Variants in TNFRSF10A observed in about 807,000 individuals in gnomAD.
TNFRSF10A encodes TNF receptor superfamily member 10a, also known as tumor necrosis factor receptor superfamily member 10A.
Under a neutral mutation model 42.8 loss-of-function variants are expected in TNFRSF10A, and 44 were observed. The ratio of observed to expected loss-of-function variants is 1.03; its 90% CI spans 0.81 to 1.32. The LOEUF (loss-of-function observed/expected upper bound fraction) is 1.32. TNFRSF10A is among the 40% of genes most tolerant of loss of function. TNFRSF10A has a pLI of 0.00. For missense variants in TNFRSF10A, 680 were observed against 602.0 expected (o/e 1.13, Z -1.36); for synonymous variants, 259 against 234.2 (o/e 1.11, Z -0.97).
intron 1 of TNFRSF10A, among the ~76,000 whole-genome samples, chr8:23,213,766 C>G (rs902083904): frequency 6.6e-6 from 1 of 152,050 alleles, no homozygotes; most frequent in African/African-American, 2.4e-5. Flanking sequence ...TTTTCTACTT[C>G]ATTATGTAAA....
At chr8:23,201,730 G>T in intron 4 of TNFRSF10A, 78 bp downstream of exon 4, 1 of 1,307,556 alleles carries the variant, frequency 7.6e-7, no homozygotes, top group South Asian at 1.2e-5. Context: ...CGGGTACAAG[G>T]AGACTCGGGT....
chr8:23,197,433 T>C lies in TNFRSF10A; in HGVS notation c.1015-229A>G, dbSNP rs143080290. ...GATCAGTGGCAACATTAGATTCTTA[T>C]AGGAGTGCAAACCCTATTGTGAACT... On this transcript the variant is annotated intron_variant, in intron 8 of 9. Transcript: ENST00000221132. Among the ~76,000 whole-genome samples the C allele has an allele frequency of 1.8e-4, 27 of 152,322 alleles. No homozygotes were observed. In the East Asian group the frequency reaches 3.3e-3, roughly 19 times the overall value.
intron 8 of TNFRSF10A, among the ~76,000 whole-genome samples, chr8:23,199,048 C>G (rs957777732): frequency 2.0e-5 from 3 of 152,220 alleles, no homozygotes; most frequent in African/African-American, 7.2e-5. Context: ...CTCTGGAGCT[C>G]CAGTTTCTGA....
At chr8:23,197,476 G>C (rs1004700559) in intron 8 of TNFRSF10A, among the ~76,000 whole-genome samples, 5 of 152,106 alleles carry the variant, frequency 3.3e-5, no homozygotes, top group Non-Finnish European at 7.3e-5. Context: ...TCAGGGATCT[G>C]GGTTGCATAC....
chr8:23,212,098 A>G lies in TNFRSF10A; in HGVS notation c.403+18T>C. On this transcript the variant is annotated intron_variant, in intron 2 of 9. Transcript: ENST00000221132. The stretch of plus-strand genomic sequence containing the variant: ...AAAAGAGAGGTGTAAAGGATTAGAG[A>G]TCAGTCTTAGAATGTACCTGGTGGA... The G allele has an allele frequency of 6.2e-7, 1 of 1,603,988 alleles. No homozygotes were observed. Among genetic ancestry groups the G allele is most frequent in the Non-Finnish European group, 8.5e-7 (1 of 1,171,224 alleles).
Position 23,213,609 on chromosome 8 carries a change from A to G in TNFRSF10A, c.307-1397T>C, listed in dbSNP as rs530413493. 4.3e-3 allele frequency among the ~76,000 whole-genome samples: 343 copies of G among 80,392 alleles called. 4 individuals carry two copies. The highest frequency in any genetic ancestry group is 0.01 in the African/African-American group (322 of 31,618). 52.7% of individuals were successfully genotyped at this position (80,392 alleles called of 152,430 possible). A position where few individuals can be genotyped will look rare whatever the true frequency, so the allele number is the denominator to read the frequency against. Reference sequence around the variant, plus strand: ...ACTACAGGCGCCCGCCACCATGCCCAGCTACGTTTTTTGTATTTTTATTAG... The same window carrying G: ...ACTACAGGCGCCCGCCACCATGCCCGGCTACGTTTTTTGTATTTTTATTAG... On this transcript the variant is annotated intron_variant, in intron 1 of 9. Coordinates refer to ENST00000221132, the MANE Select transcript of TNFRSF10A (RefSeq NM_003844.4).
chr8:23,200,783 G>C lies in TNFRSF10A; in HGVS notation c.630-23C>G, dbSNP rs369786035. The stretch of plus-strand genomic sequence containing the variant: ...CACCTGGGTACACACAGGGAGGGAG[G>C]GGGGGGACTCTTGATGGAAAGCTGG... On this transcript the variant is annotated intron_variant, in intron 4 of 9. Transcript: ENST00000221132. The C allele has an allele frequency of 1.8e-4, 281 of 1,558,668 alleles. 6 individuals are homozygous for C. Among genetic ancestry groups the C allele is most frequent in the Admixed American group, 1.5e-3 (91 of 59,860 alleles).
At chr8:23,215,780 G>A (rs917025223) in intron 1 of TNFRSF10A, among the ~76,000 whole-genome samples, 1 of 150,916 alleles carries the variant, frequency 6.6e-6, no homozygotes. Flanking sequence ...GGTATTTCAT[G>A]CTGTTGTTCT....
intron 1 of TNFRSF10A, among the ~76,000 whole-genome samples, chr8:23,221,025 C>T (rs1801248836): frequency 6.6e-6 from 1 of 152,226 alleles, no homozygotes; most frequent in South Asian, 2.1e-4. Context: ...AAGTCTGGCT[C>T]CTCTGTTCCT....
intron 1 of TNFRSF10A, among the ~76,000 whole-genome samples, chr8:23,214,292 C>A (rs567760820): frequency 6.6e-6 from 1 of 152,154 alleles, no homozygotes; most frequent in Non-Finnish European, 1.5e-5. Flanking sequence ...TCGAGACCAT[C>A]CTGGCTAACA....
Position 23,191,334 on chromosome 8 carries a change from G to C in TNFRSF10A, c.*360C>G, listed in dbSNP as rs1256697663. 3.6e-6 allele frequency: 1 copy of C among 276,412 alleles called. No individual in the cohort carries two copies. Among genetic ancestry groups the C allele is most frequent in the Non-Finnish European group, 6.7e-6 (1 of 148,286 alleles). The allele number at this position is 276,412 out of a possible 1,614,324, so 17.1% of individuals were successfully genotyped here. ...TTATTTTATTTTATCTTGAGACAGA[G>C]TCTTGCTCTGTGTCCCAGGCTGGAG... is the stretch of plus-strand genomic sequence containing the variant. On this transcript the variant is annotated 3_prime_UTR_variant, in exon 10 of 10. Transcript: ENST00000221132.
chr8:23,213,854 C>T (rs1033189174), intron 1 of TNFRSF10A, among the ~76,000 whole-genome samples: 1 of 152,218 alleles, frequency 6.6e-6, no homozygotes, highest in African/African-American at 2.4e-5. Context: ...ACACTGCTTT[C>T]ATATCCTGTA....
Position 23,224,796 on chromosome 8 carries a change from T to G in TNFRSF10A, c.266A>C (p.His89Pro). ...GACGACGACAAACTTGAAGGTCTTG[T>G]GGACCCGGAGCCGAGGGCTGGCTTC... is the stretch of plus-strand genomic sequence containing the variant. ...AREASPRLRVHKTFKFVVVGV... is the reference protein window; with the variant it reads ...AREASPRLRVPKTFKFVVVGV... The change falls in exon 1 of 10, where the codon CAC becomes CCC. Residue 89 changes from histidine to proline, a missense_variant. Coordinates refer to ENST00000221132, the MANE Select transcript of TNFRSF10A (RefSeq NM_003844.4). 1 of 1,568,962 alleles carries G rather than the reference T, an allele frequency of 6.4e-7. No homozygotes were observed. The highest frequency in any genetic ancestry group is 8.6e-7 in the Non-Finnish European group (1 of 1,157,144).
chr8:23,198,543 AC>A (rs1290799403), intron 8 of TNFRSF10A, among the ~76,000 whole-genome samples: 1 of 152,228 alleles, frequency 6.6e-6, no homozygotes, highest in Non-Finnish European at 1.5e-5. Flanking sequence ...GAGAGACAAG[AC>A]ACTGATCTTA....
At chr8:23,218,890 A>G (rs1300004178) in intron 1 of TNFRSF10A, among the ~76,000 whole-genome samples, 4 of 152,226 alleles carry the variant, frequency 2.6e-5, no homozygotes, top group African/African-American at 9.6e-5. Context: ...GTTCATTTAC[A>G]TATGAAGTGC....
intron 9 of TNFRSF10A, among the ~76,000 whole-genome samples, chr8:23,193,898 A>T (rs1160498674): frequency 6.6e-6 from 1 of 152,170 alleles, no homozygotes; most frequent in Non-Finnish European, 1.5e-5. Context: ...GCTGAATGAG[A>T]AAGTAGGATG....
Position 23,190,478 on chromosome 8 carries a change from CAAATA to C in TNFRSF10A, c.*1211_*1215del, listed in dbSNP as rs929163897. ...TTTAACCAAATCTTTGCATAGGTAC[CAAATA>C]ACACATTTGTTTAGGATGAGAGCTG... On this transcript the variant is annotated 3_prime_UTR_variant, in exon 10 of 10. Transcript: ENST00000221132. The C allele has an allele frequency of 4.6e-5, 7 of 152,038 alleles. No homozygotes were observed. The highest frequency in any genetic ancestry group is 8.8e-5 in the Non-Finnish European group (6 of 68,006). The allele number at this position is 152,038 out of a possible 1,614,324, so 9.4% of individuals were successfully genotyped here.
chr8:23,217,956 G>A (rs1355719209), intron 1 of TNFRSF10A, among the ~76,000 whole-genome samples: 3 of 152,178 alleles, frequency 2.0e-5, no homozygotes, highest in Non-Finnish European at 2.9e-5. Flanking sequence ...GGTCCACATA[G>A]AGGGAAAAGT....
At chr8:23,223,920 G>C (rs994037912) in intron 1 of TNFRSF10A, among the ~76,000 whole-genome samples, 1 of 152,242 alleles carries the variant, frequency 6.6e-6, no homozygotes, top group African/African-American at 2.4e-5. Flanking sequence ...AAAGTGGCTG[G>C]AAGGAAACTG....
Sources: gnomAD v4.1 joint callset for allele counts (sites outside exome capture counted in the v4.1 genomes callset) on GRCh38, gnomAD v4.1.1 for gene constraint, MANE v1.5 for transcripts, NCBI Gene and HGNC (gene_info 2026-07-23, HGNC 2026-07-21) for gene names.